The following FRG1 variants were observed in gnomAD, a reference collection of about 807,000 sequenced individuals.
The protein encoded by FRG1 is FSHD region gene 1, also known as protein FRG1.
FRG1 carries 19 observed loss-of-function variants against 37.0 expected under a neutral mutation model. That is an observed-to-expected ratio of 0.51 (90% confidence interval 0.36 to 0.75). The LOEUF (loss-of-function observed/expected upper bound fraction) is 0.75. Among genes scored for constraint, FRG1 ranks in the 30% least tolerant of loss-of-function variants. The pLI, the probability that FRG1 is intolerant of heterozygous loss-of-function variation, is 0.00. For missense variants in FRG1, 243 were observed against 301.4 expected (o/e 0.81, Z 1.44); for synonymous variants, 73 against 96.5 (o/e 0.76, Z 1.43).
chr4:189,961,720 T>G, intron 7 of FRG1, 102 bp from the exon 8 acceptor site: 1 of 611,318 alleles, frequency 1.6e-6, no homozygotes, highest in Non-Finnish European at 2.8e-6. Context: ...CAATTAGACT[T>G]TTTTACAAGT....
chr4:189,942,671 T>C (rs1274761738), intron 1 of FRG1, among the ~76,000 whole-genome samples: 2 of 152,246 alleles, frequency 1.3e-5, no homozygotes, highest in African/African-American at 4.8e-5. Context: ...AATATTCTTA[T>C]GTAAGTATTT....
At chr4:189,946,327 G>C (rs1042285526) in intron 2 of FRG1, among the ~76,000 whole-genome samples, 7 of 115,162 alleles carry the variant, frequency 6.1e-5, no homozygotes, top group African/African-American at 2.2e-4. Context: ...AAAAAAAAAA[G>C]CAAAAAAATC....
intron 2 of FRG1, among the ~76,000 whole-genome samples, chr4:189,948,115 C>T (rs547101902): frequency 5.3e-5 from 8 of 152,118 alleles, no homozygotes; most frequent in Non-Finnish European, 7.3e-5. Flanking sequence ...TGTCCTTCCA[C>T]ATGGTTTTGC....
In FRG1 at chr4:189,943,268, T is replaced by C; in HGVS notation, c.129T>C (p.Ile43=). The C allele has an allele frequency of 6.2e-7, 1 of 1,607,022 alleles. No individual in the cohort carries two copies. The highest frequency in any genetic ancestry group is 8.5e-7 in the Non-Finnish European group (1 of 1,177,474). Residue 43 remains isoleucine, a synonymous_variant, in exon 2 of 9, where the codon ATT becomes ATC. Transcript: ENST00000226798. ...AAGATGAAGAAACCCAGCTTGATAT[T>C]GTTGGTGAGTCAGTTTTCAGTGCTC... The part of the protein sequence containing the change: ...REEDEETQLD[I]VGIWWTVTNF...
In FRG1 at chr4:189,943,182, A is replaced by G. The variant is rs78810347; in HGVS notation, c.63-20A>G. The G allele has an allele frequency of 1.9e-6, 3 of 1,557,776 alleles. No individual in the cohort carries two copies. Among genetic ancestry groups the G allele is most frequent in the Non-Finnish European group, 1.8e-6 (2 of 1,142,478 alleles). ...CAAATCAATATACCTAAACTCGTCT[A>G]TATAAATTATGTCCTGTAGTAAGAA... On this transcript the variant is annotated intron_variant, in intron 1 of 8. Coordinates refer to ENST00000226798, the MANE Select transcript of FRG1 (RefSeq NM_004477.3).
chr4:189,963,047 T>C (rs373243186), intron 8 of FRG1, 46 bp from the exon 9 acceptor site: 39 of 1,343,818 alleles, frequency 2.9e-5, no homozygotes, highest in Non-Finnish European at 4.0e-5. Flanking sequence ...TGAATATATA[T>C]GGCATGTTTT....
chr4:189,954,382 A>G (rs983087504), intron 4 of FRG1, among the ~76,000 whole-genome samples: 4 of 143,440 alleles, frequency 2.8e-5, no homozygotes, highest in East Asian at 2.0e-4. Flanking sequence ...ATAGATGTAC[A>G]TAGAACTATT....
intron 2 of FRG1, 81 bp from the exon 3 acceptor site, chr4:189,952,081 A>T (rs1342629356): frequency 2.0e-6 from 2 of 1,015,920 alleles, no homozygotes; most frequent in Admixed American, 2.5e-5. Context: ...AGAAGTTTTT[A>T]AAATTAAGTT....
chr4:189,948,447 T>C (rs1736618801), intron 2 of FRG1, among the ~76,000 whole-genome samples: 1 of 152,206 alleles, frequency 6.6e-6, no homozygotes, highest in Non-Finnish European at 1.5e-5. Context: ...TGTGGATTAA[T>C]AGAAGGTCTG....
At chr4:189,942,296 A>G (rs1329922794) in intron 1 of FRG1, among the ~76,000 whole-genome samples, 3 of 152,260 alleles carry the variant, frequency 2.0e-5, no homozygotes, top group Non-Finnish European at 4.4e-5. Flanking sequence ...GTATATATTC[A>G]AGAGGTTCAC....
intron 2 of FRG1, among the ~76,000 whole-genome samples, chr4:189,944,059 C>T (rs1187583779): frequency 2.0e-5 from 3 of 152,206 alleles, no homozygotes; most frequent in Non-Finnish European, 2.9e-5. Context: ...TGCCATTTTA[C>T]CCTCCTACCA....
intron 6 of FRG1, among the ~76,000 whole-genome samples, chr4:189,958,886 G>C (rs1261912004): frequency 6.6e-6 from 1 of 151,598 alleles, no homozygotes; most frequent in African/African-American, 2.4e-5. Flanking sequence ...TCTGTGTCTT[G>C]GCATTCCATC....
rs1579641229 is a variant in FRG1, at chr4:189,957,634, A to G, written c.537+132A>G. 2.6e-5 allele frequency: 20 copies of G among 776,026 alleles called. No individual in the cohort carries two copies. In the South Asian group the frequency reaches 2.6e-4, roughly 10 times the overall value. The allele number at this position is 776,026 out of a possible 1,614,324, so 48.1% of individuals were successfully genotyped here. A position where few individuals can be genotyped will look rare whatever the true frequency, so the allele number is the denominator to read the frequency against. ...TAGCTTTTTATAATGTGGTGTTTCA[A>G]ATAGACTCATTTTTAATTATAAATC... is the stretch of plus-strand genomic sequence containing the variant. On this transcript the variant is annotated intron_variant, in intron 6 of 8. Coordinates refer to ENST00000226798, the MANE Select transcript of FRG1 (RefSeq NM_004477.3).
chr4:189,956,037 A>G lies in FRG1; in HGVS notation c.432+886A>G, dbSNP rs568428673. Among the ~76,000 whole-genome samples, 403 of 152,320 alleles carry G rather than the reference A, an allele frequency of 2.6e-3. 4 individuals are homozygous for G. The highest frequency in any genetic ancestry group is 9.0e-3 in the African/African-American group (376 of 41,574). ...ATCCCCTAGGATAAAATCTTAACTC[A>G]GTGACTTGAAAACTATTTTGGCCCA... is the stretch of plus-strand genomic sequence containing the variant. On this transcript the variant is annotated intron_variant, in intron 5 of 8. Transcript: ENST00000226798.
In FRG1 at chr4:189,943,250, A is replaced by G. The variant is rs1329356375; in HGVS notation, c.111A>G (p.Glu37=). The G allele has an allele frequency of 3.7e-6, 6 of 1,609,624 alleles. No individual in the cohort carries two copies. Among genetic ancestry groups the G allele is most frequent in the Non-Finnish European group, 4.2e-6 (5 of 1,178,032 alleles). Residue 37 remains glutamate, a synonymous_variant, in exon 2 of 9, where the codon GAA becomes GAG. Transcript: ENST00000226798. ...AGAAAAGAAAAAGAGAAGAAGATGAAGAAACCCAGCTTGATATTGTTGGTG... is the reference window on the plus strand; with the variant it reads ...AGAAAAGAAAAAGAGAAGAAGATGAGGAAACCCAGCTTGATATTGTTGGTG... ...KDKKRKREED[E]ETQLDIVGIW...
chr4:189,942,774 A>G (rs558682416), intron 1 of FRG1, among the ~76,000 whole-genome samples: 7 of 152,322 alleles, frequency 4.6e-5, no homozygotes, highest in Admixed American at 3.3e-4. Flanking sequence ...GAGGAACCCC[A>G]AACTGTTTCC....
At chr4:189,943,073 C>A (rs1306060179) in intron 1 of FRG1, 129 bp from the exon 2 acceptor site, 12 of 1,000,412 alleles carry the variant, frequency 1.2e-5, no homozygotes, top group Non-Finnish European at 1.6e-5. Flanking sequence ...GAGGGCATAT[C>A]AATGTAAGTC....
intron 2 of FRG1, among the ~76,000 whole-genome samples, chr4:189,944,426 T>C (rs1736443678): frequency 6.6e-6 from 1 of 152,096 alleles, no homozygotes; most frequent in Non-Finnish European, 1.5e-5. Context: ...AAGCTCAGTT[T>C]ATTTTTTTTT....
Position 189,959,171 on chromosome 4 carries a change from T to A in FRG1, c.538-1577T>A, listed in dbSNP as rs1737117650. Among the ~76,000 whole-genome samples, 13 of 152,388 alleles carry A rather than the reference T, an allele frequency of 8.5e-5. No individual in the cohort carries two copies. The South Asian group carries it at 2.3e-3, about 27-fold the overall frequency. Reference sequence around the variant, plus strand: ...TTAGATTTCCTGTCATAAGTTTGATTTTCTTTTTAGAATAGTCTTGATTTC... The same window carrying A: ...TTAGATTTCCTGTCATAAGTTTGATATTCTTTTTAGAATAGTCTTGATTTC... On this transcript the variant is annotated intron_variant, in intron 6 of 8. Coordinates refer to ENST00000226798, the MANE Select transcript of FRG1 (RefSeq NM_004477.3).
Sources: gnomAD v4.1 joint callset for allele counts (sites outside exome capture counted in the v4.1 genomes callset) on GRCh38, gnomAD v4.1.1 for gene constraint, MANE v1.5 for transcripts, NCBI Gene and HGNC (gene_info 2026-07-23, HGNC 2026-07-21) for gene names.